Variants in MICAL2 observed in about 807,000 individuals in gnomAD.
MICAL2 encodes microtubule associated monooxygenase, calponin and LIM domain containing 2.
A neutral mutation model predicts 127.3 loss-of-function variants in MICAL2; 77 were observed. The ratio of observed to expected loss-of-function variants is 0.60; its 90% CI spans 0.50 to 0.73. The LOEUF is 0.73. Ranked by LOEUF, MICAL2 falls within the 30% of genes least tolerant of loss-of-function variation. The pLI is 0.00. For missense variants in MICAL2, 1,351 were observed against 1,434.4 expected (o/e 0.94, Z 0.94); for synonymous variants, 570 against 551.1 (o/e 1.03, Z -0.48).
At chr11:12,332,327 G>A (rs1049222616) in intron 32 of MICAL2, among the ~76,000 whole-genome samples, 12 of 152,224 alleles carry the variant, frequency 7.9e-5, no homozygotes, top group South Asian at 6.2e-4. Flanking sequence ...AGCAGGGGAA[G>A]GGTTGAGATC....
At chr11:12,223,706 T>C (rs1214121928) in intron 12 of MICAL2, among the ~76,000 whole-genome samples, 2 of 152,214 alleles carry the variant, frequency 1.3e-5, no homozygotes, top group Non-Finnish European at 2.9e-5. Flanking sequence ...AGAATCATTA[T>C]GAAGATGAAA....
chr11:12,278,068 G>A (rs1863739099), intron 1 of MICAL2, among the ~76,000 whole-genome samples: 1 of 152,216 alleles, frequency 6.6e-6, no homozygotes, highest in South Asian at 2.1e-4. Flanking sequence ...AGGACTGGAA[G>A]TTGCTCTGGG....
downstream of MICAL2, among the ~76,000 whole-genome samples, chr11:12,290,352 G>A (rs16911012): frequency 0.067 from 10,240 of 152,188 alleles, 747 homozygotes; most frequent in African/African-American, 0.18. Flanking sequence ...TGTCAGGCTT[G>A]TTTCCTGAGG....
intron 26 of MICAL2, chr11:12,261,685 C>T (rs1376216775): frequency 2.0e-6 from 2 of 985,182 alleles, no homozygotes; most frequent in South Asian, 4.7e-5. Context: ...TTCTATGGGG[C>T]GGGAAGAAGG....
intron 29 of MICAL2, among the ~76,000 whole-genome samples, chr11:12,314,580 G>A (rs150785195): frequency 0.023 from 3,451 of 151,026 alleles, 80 homozygotes; most frequent in East Asian, 0.12. Flanking sequence ...CTGGGTTCAC[G>A]CCATTCCCCT....
At chr11:12,168,273 C>T (rs925366712) in intron 3 of MICAL2, among the ~76,000 whole-genome samples, 2 of 150,990 alleles carry the variant, frequency 1.3e-5, no homozygotes, top group Non-Finnish European at 3.0e-5. Context: ...TACATATACA[C>T]CACACACATA....
At chr11:12,151,702 A>G (rs1179287177) in intron 2 of MICAL2, among the ~76,000 whole-genome samples, 1 of 152,184 alleles carries the variant, frequency 6.6e-6, no homozygotes, top group African/African-American at 2.4e-5. Context: ...AAAAGGCACC[A>G]AAAACCACTA....
chr11:12,287,352 A>G, downstream of MICAL2: 1 of 378,362 alleles, frequency 2.6e-6, no homozygotes. Flanking sequence ...GCCTTTTCCA[A>G]GGGACTCAAG....
At chr11:12,188,655 T>A (rs1480593866) in intron 3 of MICAL2, among the ~76,000 whole-genome samples, 2 of 152,144 alleles carry the variant, frequency 1.3e-5, no homozygotes, top group Non-Finnish European at 2.9e-5. Context: ...ACACTAAAAT[T>A]GGAGGGCTTA....
chr11:12,302,487 A>G (rs1864058753), intron 29 of MICAL2, among the ~76,000 whole-genome samples: 2 of 152,070 alleles, frequency 1.3e-5, no homozygotes, highest in African/African-American at 4.8e-5. Context: ...GTGGTGTCTC[A>G]TTATGGTTTT....
intron 1 of MICAL2, among the ~76,000 whole-genome samples, chr11:12,125,007 C>G (rs568244268): frequency 2.0e-5 from 3 of 152,340 alleles, no homozygotes; most frequent in Admixed American, 6.5e-5. Context: ...TGGACACATC[C>G]TCTCTCTTCT....
intron 1 of MICAL2, among the ~76,000 whole-genome samples, chr11:12,129,767 G>A (rs947888614): frequency 1.3e-5 from 2 of 151,682 alleles, no homozygotes; most frequent in Non-Finnish European, 2.9e-5. Flanking sequence ...GAGAGCAGTG[G>A]TGGGATCATA....
intron 3 of MICAL2, among the ~76,000 whole-genome samples, chr11:12,176,912 T>C (rs1328086399): frequency 6.6e-6 from 1 of 152,238 alleles, no homozygotes; most frequent in East Asian, 1.9e-4. Flanking sequence ...CTTTCGGCTA[T>C]TGTGAATAAT....
rs552156551 is a variant in MICAL2, at chr11:12,147,214, A to G, written c.-78+8754A>G. 2.3e-3 allele frequency among the ~76,000 whole-genome samples: 243 copies of G among 106,358 alleles called. 1 individual carries two copies. Among genetic ancestry groups the G allele is most frequent in the South Asian group, 4.0e-3 (9 of 2,234 alleles). The allele number at this position is 106,358 out of a possible 152,430, so 69.8% of individuals were successfully genotyped here. A position where few individuals can be genotyped will look rare whatever the true frequency, so the allele number is the denominator to read the frequency against. On this transcript the variant is annotated intron_variant, in intron 2 of 27. Coordinates refer to ENST00000683283, the MANE Select transcript of MICAL2 (RefSeq NM_001282663.2). ...CCCTAGCACTTAAAGTATAATAATA[A>G]TAAAAAAAAGAAAGCAAAAGAAAAA...
In MICAL2 at chr11:12,351,428, G is replaced by A. The variant is rs187007105; in HGVS notation, c.5615+1491G>A. 3.4e-4 allele frequency among the ~76,000 whole-genome samples: 51 copies of A among 152,232 alleles called. No individual in the cohort carries two copies. The East Asian group carries it at 9.1e-3, about 27-fold the overall frequency. On this transcript the variant is annotated intron_variant, in intron 33 of 34. Coordinates refer to the MICAL2 transcript ENST00000646065. Reference sequence around the variant, plus strand: ...CTGATATCCAGTGAGCAGAGGCCAAGGATGCTACTAAACATCCTACAAAGT... The same window carrying A: ...CTGATATCCAGTGAGCAGAGGCCAAAGATGCTACTAAACATCCTACAAAGT...
At chr11:12,357,063 C>A (rs532838753) in intron 34 of MICAL2, among the ~76,000 whole-genome samples, 12 of 152,312 alleles carry the variant, frequency 7.9e-5, no homozygotes, top group African/African-American at 2.4e-4. Flanking sequence ...TCTCTTCTTT[C>A]TTCTTAAAAC....
intron 29 of MICAL2, among the ~76,000 whole-genome samples, chr11:12,314,998 T>C (rs923796189): frequency 1.3e-5 from 2 of 152,202 alleles, no homozygotes; most frequent in African/African-American, 2.4e-5. Context: ...TTCTTCTGCC[T>C]GGAGAACTGT....
At chr11:12,293,920 G>A (rs776750579), downstream of MICAL2, 26 of 1,612,520 alleles carry the variant, frequency 1.6e-5, no homozygotes, top group South Asian at 2.9e-4. Flanking sequence ...GAGCCAGGAA[G>A]GAAGAAGAGG....
At chr11:12,296,520 A>T (rs182444945), downstream of MICAL2, among the ~76,000 whole-genome samples, 771 of 149,132 alleles carry the variant, frequency 5.2e-3, 12 homozygotes, top group African/African-American at 0.018. Flanking sequence ...ATAACACATT[A>T]AATTTTGTGA....
Sources: gnomAD v4.1 joint callset for allele counts (sites outside exome capture counted in the v4.1 genomes callset) on GRCh38, gnomAD v4.1.1 for gene constraint, MANE v1.5 for transcripts, NCBI Gene and HGNC (gene_info 2026-07-23, HGNC 2026-07-21) for gene names.